Variants in STK10 observed in about 807,000 individuals in gnomAD.
STK10 encodes the protein serine/threonine-protein kinase 10.
In STK10, 78 loss-of-function variants were observed where a neutral mutation model predicts 113.8. The ratio of observed to expected loss-of-function variants is 0.69; its 90% CI spans 0.57 to 0.83. STK10 has a LOEUF of 0.83. Ranked by LOEUF, STK10 falls within the 40% of genes least tolerant of loss-of-function variation. The probability of loss-of-function intolerance (pLI) is 0.00; values close to 1 mark genes in which losing one functional copy is unlikely to be tolerated. For missense variants in STK10, 1,109 were observed against 1,280.1 expected (o/e 0.87, Z 2.04); for synonymous variants, 465 against 494.7 (o/e 0.94, Z 0.80).
At chr5:172,071,064 G>C (rs1159051634) in intron 12 of STK10, among the ~76,000 whole-genome samples, 1 of 151,392 alleles carries the variant, frequency 6.6e-6, no homozygotes, top group Non-Finnish European at 1.5e-5. Flanking sequence ...AAAAACATTA[G>C]CCGGGTGTGG....
chr5:172,103,227 T>TTA (rs1218422036), intron 7 of STK10, among the ~76,000 whole-genome samples: 1 of 152,034 alleles, frequency 6.6e-6, no homozygotes, highest in Admixed American at 6.5e-5. Context: ...GATCCCGGTG[T>TTA]CCTCCCGAGG....
intron 1 of STK10, among the ~76,000 whole-genome samples, chr5:172,167,651 G>A (rs1770595222): frequency 6.6e-6 from 1 of 152,190 alleles, no homozygotes; most frequent in African/African-American, 2.4e-5. Flanking sequence ...CACATGAGCT[G>A]CACTGTCTGA....
intron 9 of STK10, 60 bp from the exon 10 acceptor site, chr5:172,090,422 G>A (rs1768674126): frequency 1.9e-6 from 3 of 1,581,320 alleles, no homozygotes; most frequent in Non-Finnish European, 2.6e-6. Flanking sequence ...CATGGCTGTC[G>A]CAGCAGGTGA....
At chr5:172,091,562 G>A (rs372998037) in intron 9 of STK10, among the ~76,000 whole-genome samples, 70 of 141,768 alleles carry the variant, frequency 4.9e-4, no homozygotes, top group African/African-American at 1.1e-3. Context: ...ATGGAGTCTC[G>A]CTCTGTTGCC....
chr5:172,108,046 A>G (rs538226454), intron 4 of STK10, 194 bp from the exon 5 acceptor site: 1 of 524,662 alleles, frequency 1.9e-6, no homozygotes, highest in African/African-American at 1.9e-5. Flanking sequence ...CCTCTCTACT[A>G]ACGAGAGCCT....
At chr5:172,127,725 T>TC (rs1769655192) in intron 2 of STK10, among the ~76,000 whole-genome samples, 1 of 152,162 alleles carries the variant, frequency 6.6e-6, no homozygotes, top group Non-Finnish European at 1.5e-5. Flanking sequence ...ACACCCTCCC[T>TC]CCTCGCTCCC....
chr5:172,063,954 G>A (rs1306950859), intron 13 of STK10, among the ~76,000 whole-genome samples: 2 of 152,186 alleles, frequency 1.3e-5, no homozygotes, highest in Non-Finnish European at 2.9e-5. Context: ...ATGAAAAGAA[G>A]GCTGGGGAGG....
intron 4 of STK10, among the ~76,000 whole-genome samples, chr5:172,116,494 C>T (rs777606040): frequency 6.6e-5 from 10 of 152,158 alleles, no homozygotes; most frequent in Admixed American, 2.6e-4. Flanking sequence ...AAAGGAGACA[C>T]GTGAGGGGAT....
At chr5:172,079,417 C>CTA (rs1472489996) in intron 12 of STK10, among the ~76,000 whole-genome samples, 2 of 152,130 alleles carry the variant, frequency 1.3e-5, no homozygotes, top group Non-Finnish European at 2.9e-5. Flanking sequence ...CTCCAGATCT[C>CTA]TAGTCAGCCA....
intron 2 of STK10, among the ~76,000 whole-genome samples, chr5:172,149,953 A>G (rs1237359533): frequency 6.7e-6 from 1 of 149,526 alleles, no homozygotes. Flanking sequence ...AGGCTGAGGC[A>G]GGAGAATCGC....
In STK10 at chr5:172,093,946, A is replaced by G. The variant is rs1768788144; in HGVS notation, c.1020T>C (p.His340=). 6.7e-7 allele frequency: 1 copy of G among 1,498,418 alleles called. No homozygotes were observed. The highest frequency in any genetic ancestry group is 2.3e-5 in the East Asian group (1 of 43,636). 92.8% of individuals were successfully genotyped at this position (1,498,418 alleles called of 1,614,324 possible). A position where few individuals can be genotyped will look rare whatever the true frequency, so the allele number is the denominator to read the frequency against. ...GACTCACCTCAGAGGAGTTCTGAGT[A>G]TGGTTCTCCAGGGTCTAGAAAAATA... ...AVDAASTLEN[H]TQNSSEVSPP... The change falls in exon 9 of 19, where the codon CAT becomes CAC. Residue 340 remains histidine, a synonymous_variant. Transcript: ENST00000176763. The surrounding 1 kb of genome is among the most constrained non-coding windows in gnomAD (Gnocchi z 4.1).
intron 17 of STK10, among the ~76,000 whole-genome samples, chr5:172,053,490 C>T (rs1448017594): frequency 1.3e-5 from 2 of 152,318 alleles, no homozygotes; most frequent in Non-Finnish European, 1.5e-5. Context: ...ATATAATTTC[C>T]TCAGGGAGAT....
At chr5:172,139,508 AAG>A (rs1769932789) in intron 2 of STK10, among the ~76,000 whole-genome samples, 1 of 151,616 alleles carries the variant, frequency 6.6e-6, no homozygotes, top group African/African-American at 2.4e-5. Flanking sequence ...AAAAAAAAAA[AAG>A]AAAAGAGAGA....
At chr5:172,096,276 T>C in intron 8 of STK10, 150 bp downstream of exon 8, 2 of 1,294,146 alleles carry the variant, frequency 1.5e-6, no homozygotes, top group Non-Finnish European at 2.1e-6. Context: ...CCATCTTACG[T>C]TACCTGCAGC....
chr5:172,171,321 C>T (rs895170802), intron 1 of STK10, among the ~76,000 whole-genome samples: 16 of 152,196 alleles, frequency 1.1e-4, no homozygotes, highest in African/African-American at 3.4e-4. Context: ...TCCTCACTTC[C>T]CAGCCTTTTA....
intron 1 of STK10, among the ~76,000 whole-genome samples, chr5:172,157,524 C>T (rs1770376118): frequency 6.6e-6 from 1 of 152,104 alleles, no homozygotes; most frequent in African/African-American, 2.4e-5. Flanking sequence ...CCATTGCACT[C>T]CAGCCTGGGT....
chr5:172,117,500 G>A lies in STK10; in HGVS notation c.501C>T (p.Leu167=), dbSNP rs769040456. The A allele has an allele frequency of 7.4e-6, 12 of 1,612,024 alleles. No individual in the cohort carries two copies. The highest frequency in any genetic ancestry group is 4.0e-5 in the African/African-American group (3 of 74,736). ...CCTTACCCAGCCTGATGTCTCCCTC[G>A]AGGGTCATCAGCACGTTGCCAGCTT... ...DLKAGNVLMT[L]EGDIRLADFG... Residue 167 remains leucine (L), a synonymous_variant, in exon 4 of 19, where the codon CTC becomes CTT. Coordinates refer to ENST00000176763, the MANE Select transcript of STK10 (RefSeq NM_005990.4).
chr5:172,064,555 G>A (rs1469496225), intron 13 of STK10, 165 bp downstream of exon 13: 3 of 669,030 alleles, frequency 4.5e-6, no homozygotes, highest in East Asian at 2.7e-5. Flanking sequence ...GAGGAAGGCT[G>A]CATGGAGGAG....
chr5:172,082,903 C>T lies in STK10; in HGVS notation c.1809+58G>A. 1 of 1,598,326 alleles carries T rather than the reference C, an allele frequency of 6.3e-7. No homozygotes were observed. Among genetic ancestry groups the T allele is most frequent in the Non-Finnish European group, 8.5e-7 (1 of 1,173,338 alleles). On this transcript the variant is annotated intron_variant, in intron 11 of 18. Coordinates refer to ENST00000176763, the MANE Select transcript of STK10 (RefSeq NM_005990.4). The surrounding 1 kb of genome is among the most constrained non-coding windows in gnomAD (Gnocchi z 4.3). The stretch of plus-strand genomic sequence containing the variant: ...AATCATTCCCACTATGTAGCTTCCA[C>T]TGAGAGAACACCTGGAGGCAAGAAG...
Sources: gnomAD v4.1 joint callset for allele counts (sites outside exome capture counted in the v4.1 genomes callset) on GRCh38, gnomAD v4.1.1 for gene constraint, Gnocchi (gnomAD v3.1) non-coding constraint, MANE v1.5 for transcripts, NCBI Gene and HGNC (gene_info 2026-07-23, HGNC 2026-07-21) for gene names.